Variants in CCAR1 observed in about 807,000 individuals in gnomAD.
CCAR1 encodes cell division cycle and apoptosis regulator 1, also known as cell division cycle and apoptosis regulator protein 1.
In CCAR1, 78 loss-of-function variants were observed where a neutral mutation model predicts 163.8. That is an observed-to-expected ratio of 0.48 (90% CI 0.40 to 0.57). The LOEUF (loss-of-function observed/expected upper bound fraction) is 0.57, where lower values mean the gene tolerates loss of function less well. Ranked by LOEUF, CCAR1 falls within the 20% of genes least tolerant of loss-of-function variation. The pLI is 0.00. For missense variants in CCAR1, 1,019 were observed against 1,365.2 expected (o/e 0.75, Z 4.00); for synonymous variants, 443 against 460.7 (o/e 0.96, Z 0.49).
In CCAR1 at chr10:68,791,322, T is replaced by G; in HGVS notation, c.*56T>G. 8.3e-7 allele frequency: 1 copy of G among 1,205,308 alleles called. No individual in the cohort carries two copies. Among genetic ancestry groups the G allele is most frequent in the Non-Finnish European group, 1.2e-6 (1 of 841,202 alleles). 74.7% of individuals were successfully genotyped at this position (1,205,308 alleles called of 1,614,324 possible). On this transcript the variant is annotated 3_prime_UTR_variant, in exon 25 of 25. Transcript: ENST00000265872. The stretch of plus-strand genomic sequence containing the variant: ...TAAATAATGTAATATATAAAAATCA[T>G]GATATAAGAATGTTTGAAGGTGATG...
At chr10:68,744,961 A>G (rs1292734912) in intron 6 of CCAR1, among the ~76,000 whole-genome samples, 1 of 151,808 alleles carries the variant, frequency 6.6e-6, no homozygotes, top group Non-Finnish European at 1.5e-5. Context: ...TAGCTGGGCC[A>G]TCAGGCGTGT....
chr10:68,761,842 T>C (rs2133379088), intron 16 of CCAR1, among the ~76,000 whole-genome samples: 1 of 152,058 alleles, frequency 6.6e-6, no homozygotes, highest in South Asian at 2.1e-4. Flanking sequence ...CCTCAGGTGA[T>C]CCGCTTACCT....
chr10:68,790,505 C>T (rs1418644877), intron 24 of CCAR1, among the ~76,000 whole-genome samples: 1 of 151,976 alleles, frequency 6.6e-6, no homozygotes, highest in Non-Finnish European at 1.5e-5. Flanking sequence ...AAACCATTCA[C>T]TTCACTTCTC....
chr10:68,738,271 G>A (rs1021290975), intron 4 of CCAR1, among the ~76,000 whole-genome samples: 4 of 152,106 alleles, frequency 2.6e-5, no homozygotes, highest in Admixed American at 1.3e-4. Flanking sequence ...AAAATTAGCC[G>A]GGTGTGGTGG....
intron 16 of CCAR1, among the ~76,000 whole-genome samples, chr10:68,765,344 C>T (rs2056523639): frequency 1.3e-5 from 2 of 152,162 alleles, no homozygotes; most frequent in Admixed American, 6.6e-5. Flanking sequence ...CCAGTAAATA[C>T]CTACTGGCTG....
chr10:68,744,367 G>A (rs1469150920), intron 6 of CCAR1, among the ~76,000 whole-genome samples: 1 of 152,076 alleles, frequency 6.6e-6, no homozygotes, highest in Non-Finnish European at 1.5e-5. Flanking sequence ...GCTTGTCCTT[G>A]TAATCTCAGT....
chr10:68,765,823 A>T, intron 16 of CCAR1, 65 bp from the exon 17 acceptor site: 1 of 1,069,136 alleles, frequency 9.4e-7, no homozygotes, highest in Non-Finnish European at 1.4e-6. Context: ...ATATATATTC[A>T]TCTTGCACAT....
In CCAR1 at chr10:68,723,660, T is replaced by TA. The variant is rs2055894549; in HGVS notation, c.73+1084dup. Among the ~76,000 whole-genome samples, 3 of 145,292 alleles carry TA rather than the reference T, an allele frequency of 2.1e-5. No individual in the cohort carries two copies. In the South Asian group the frequency reaches 6.8e-4, roughly 33 times the overall value. On this transcript the variant is annotated intron_variant, in intron 2 of 24. Coordinates refer to ENST00000265872, the MANE Select transcript of CCAR1 (RefSeq NM_018237.4). ...TCAGGAAATCGAGACCATCCTGGCT[T>TA]ACATGGTGTAACCCCGTCTCTACTA...
chr10:68,736,984 A>C lies in CCAR1; in HGVS notation c.182A>C (p.Tyr61Ser). 6.2e-7 allele frequency: 1 copy of C among 1,614,042 alleles called. No individual in the cohort carries two copies. Among genetic ancestry groups the C allele is most frequent in the Admixed American group, 1.7e-5 (1 of 59,984 alleles). The change falls in exon 3 of 25, where the codon TAT becomes TCT. Residue 61 changes from tyrosine to serine, a missense_variant. Around this residue, in one of 4 missense-constraint regions of CCAR1, gnomAD observed 644 missense variants for 904.4 expected, o/e 0.71. Coordinates refer to ENST00000265872, the MANE Select transcript of CCAR1 (RefSeq NM_018237.4). ...AGLTTQTPAN[Y>S]QLTQTAALQQ... is the part of the protein sequence containing the mutation. ...CTTACCACACAAACTCCAGCAAACT[A>C]TCAGTTAACACAAACTGCTGCATTG...
Position 68,788,138 on chromosome 10 carries a change from T to C in CCAR1, c.3002-5T>C. On this transcript the variant is annotated splice_region_variant and splice_polypyrimidine_tract_variant and intron_variant, in intron 22 of 24. Transcript: ENST00000265872. ...TACTAAAATATGGTATATTTTATAT[T>C]ATAGGAAACAGATTATTACTTCCAA... The C allele has an allele frequency of 1.3e-6, 2 of 1,538,250 alleles. No homozygotes were observed. The highest frequency in any genetic ancestry group is 1.3e-5 in the South Asian group (1 of 79,444).
chr10:68,752,986 G>T (rs1349347567), intron 10 of CCAR1, among the ~76,000 whole-genome samples: 1 of 150,584 alleles, frequency 6.6e-6, no homozygotes, highest in Non-Finnish European at 1.5e-5. Context: ...GAATAGGTAG[G>T]CAGGTAATAG....
Position 68,757,337 on chromosome 10 carries a change from CACCT to C in CCAR1, c.1884_1887del (p.Thr629IlefsTer10). The C allele has an allele frequency of 6.3e-7, 1 of 1,591,402 alleles. No individual in the cohort carries two copies. The highest frequency in any genetic ancestry group is 8.6e-7 in the Non-Finnish European group (1 of 1,159,872). ...GATGGTGAAGCTAAAGAAATTTCTACACCTACCCATTGGTCTAAACTTGATCCAA... is the reference window on the plus strand; with the variant it reads ...GATGGTGAAGCTAAAGAAATTTCTACACCCATTGGTCTAAACTTGATCCAA... On this transcript the variant is annotated frameshift_variant, in exon 15 of 25. Coordinates refer to ENST00000265872, the MANE Select transcript of CCAR1 (RefSeq NM_018237.4). LOFTEE classifies it high-confidence loss of function.
intron 17 of CCAR1, among the ~76,000 whole-genome samples, chr10:68,767,614 G>A (rs1369938222): frequency 6.6e-6 from 1 of 151,040 alleles, no homozygotes; most frequent in Admixed American, 6.6e-5. Flanking sequence ...GCTCGATGTT[G>A]GCTCACTGCA....
chr10:68,752,673 C>T lies in CCAR1; in HGVS notation c.1119-1179C>T, dbSNP rs115641369. On this transcript the variant is annotated intron_variant, in intron 10 of 24. Transcript: ENST00000265872. ...ATCACTTGAGGCCAGGAGTTTGAGACCAGCCTAGGCATATAGTGAGACCTC... is the reference window on the plus strand; with the variant it reads ...ATCACTTGAGGCCAGGAGTTTGAGATCAGCCTAGGCATATAGTGAGACCTC... 6.1e-3 allele frequency among the ~76,000 whole-genome samples: 925 copies of T among 152,198 alleles called. 7 individuals are homozygous for T. The highest frequency in any genetic ancestry group is 0.021 in the African/African-American group (883 of 41,502).
In CCAR1 at chr10:68,784,856, T is replaced by C. The variant is rs920785863; in HGVS notation, c.2651-1280T>C. On this transcript the variant is annotated intron_variant, in intron 19 of 24. Coordinates refer to ENST00000265872, the MANE Select transcript of CCAR1 (RefSeq NM_018237.4). ...TTTAGAAATAAAGTATCTTTTAATA[T>C]ATGTACTTTTTTAAGGCATAATGCT... is the stretch of plus-strand genomic sequence containing the variant. Among the ~76,000 whole-genome samples the C allele has an allele frequency of 2.6e-5, 4 of 152,104 alleles. No individual in the cohort carries two copies. In the South Asian group the frequency reaches 8.3e-4, roughly 32 times the overall value.
At chr10:68,777,272 A>G (rs1281877455) in intron 19 of CCAR1, among the ~76,000 whole-genome samples, 1 of 152,200 alleles carries the variant, frequency 6.6e-6, no homozygotes, top group Non-Finnish European at 1.5e-5. Flanking sequence ...CCTCCCCTCT[A>G]CAATAAAGTT....
At chr10:68,757,237 A>T in intron 14 of CCAR1, 57 bp from the exon 15 acceptor site, 1 of 918,962 alleles carries the variant, frequency 1.1e-6, no homozygotes, top group Non-Finnish European at 1.7e-6. Context: ...TTAAAAATAA[A>T]TTATTTTTAT....
chr10:68,727,003 T>A (rs1459579776), intron 2 of CCAR1, among the ~76,000 whole-genome samples: 3 of 145,810 alleles, frequency 2.1e-5, no homozygotes, highest in South Asian at 2.2e-4. Context: ...CAAAAAAAAA[T>A]AAAAATAAAA....
Position 68,761,072 on chromosome 10 carries a change from A to G in CCAR1, c.1986A>G (p.Leu662=), listed in dbSNP as rs1564543093. 6.2e-7 allele frequency: 1 copy of G among 1,609,366 alleles called. No homozygotes were observed. Among genetic ancestry groups the G allele is most frequent in the Admixed American group, 1.7e-5 (1 of 59,424 alleles). Residue 662 remains leucine, a synonymous_variant, in exon 16 of 25, where the codon TTA becomes TTG. Transcript: ENST00000265872. ...GTTCCAAAGGATTAAAATCCCAGTT[A>G]ATAGCCCGATTGACAAAACAGCTTA... is the stretch of plus-strand genomic sequence containing the variant. ...ALSSKGLKSQ[L]IARLTKQLKV...
Sources: allele counts gnomAD v4.1 joint callset (sites outside exome capture counted in the v4.1 genomes callset), GRCh38; gene constraint gnomAD v4.1.1; regional missense constraint gnomAD v4.1.1; transcripts MANE v1.5; gene names NCBI Gene and HGNC (gene_info 2026-07-23, HGNC 2026-07-21).